The following SGK3 variants were observed in gnomAD, a reference collection of about 807,000 sequenced individuals.
SGK3 encodes the protein serine/threonine-protein kinase Sgk3.
SGK3 carries 47 observed loss-of-function variants against 68.5 expected under a neutral mutation model. The ratio of observed to expected loss-of-function variants is 0.69; its 90% confidence interval spans 0.54 to 0.87. The LOEUF (loss-of-function observed/expected upper bound fraction) is 0.87, where lower values mean the gene tolerates loss of function less well. SGK3 is among the 40% of genes least tolerant of loss of function. The probability of loss-of-function intolerance (pLI) is 0.00; values close to 1 mark genes in which losing one functional copy is unlikely to be tolerated. For synonymous variants in SGK3, 181 were observed against 189.1 expected (o/e 0.96, Z 0.35); for missense variants, 479 against 575.5 (o/e 0.83, Z 1.72).
intron 1 of SGK3, among the ~76,000 whole-genome samples, chr8:66,724,237 C>T (rs1390187593): frequency 1.3e-5 from 2 of 152,266 alleles, no homozygotes. Context: ...GCCTCAGCTT[C>T]CCAAAACACT....
intron 3 of SGK3, among the ~76,000 whole-genome samples, chr8:66,803,183 T>TG (rs1808017178): frequency 6.6e-6 from 1 of 152,324 alleles, no homozygotes; most frequent in Admixed American, 6.5e-5. Flanking sequence ...TGTGTGTGTA[T>TG]GAAAAACAAC....
chr8:66,757,022 T>C (rs1313775965), intron 1 of SGK3, among the ~76,000 whole-genome samples: 3 of 152,174 alleles, frequency 2.0e-5, no homozygotes, highest in Admixed American at 2.0e-4. Context: ...TGAGGTTCTT[T>C]GCCTAGAAGG....
At chr8:66,785,308 C>T (rs1807155311) in intron 1 of SGK3, among the ~76,000 whole-genome samples, 3 of 152,238 alleles carry the variant, frequency 2.0e-5, no homozygotes, top group African/African-American at 7.2e-5. Flanking sequence ...CCATGTGGAA[C>T]TACTCTTCGT....
intron 2 of SGK3, among the ~76,000 whole-genome samples, chr8:66,796,170 C>G (rs767876638): frequency 6.6e-6 from 1 of 151,756 alleles, no homozygotes; most frequent in Non-Finnish European, 1.5e-5. Context: ...CAGAATCTCG[C>G]TCTGTCGCCA....
chr8:66,765,988 G>A (rs1189375211), intron 1 of SGK3, among the ~76,000 whole-genome samples: 1 of 150,336 alleles, frequency 6.7e-6, no homozygotes, highest in Admixed American at 6.6e-5. Context: ...TGGTGTCACT[G>A]CACTCCATCC....
intron 8 of SGK3, among the ~76,000 whole-genome samples, chr8:66,833,843 C>T (rs372994354): frequency 3.5e-4 from 54 of 152,306 alleles, no homozygotes; most frequent in African/African-American, 1.2e-3. Flanking sequence ...AGGCGTGTGC[C>T]ACCACGCCCT....
chr8:66,744,519 A>ATAT (rs1563605717), intron 1 of SGK3, among the ~76,000 whole-genome samples: 17 of 21,268 alleles, frequency 8.0e-4, no homozygotes, highest in Non-Finnish European at 1.0e-3. Flanking sequence ...ATATATATAT[A>ATAT]TTTTTTTTTT....
intron 1 of SGK3, among the ~76,000 whole-genome samples, chr8:66,723,584 C>T (rs1339605323): frequency 1.3e-5 from 2 of 152,154 alleles, no homozygotes; most frequent in Non-Finnish European, 2.9e-5. Flanking sequence ...GCTGGGAATA[C>T]AGGCATGTAC....
intron 16 of SGK3, among the ~76,000 whole-genome samples, chr8:66,852,345 G>T (rs929733570): frequency 2.1e-5 from 3 of 143,934 alleles, no homozygotes; most frequent in African/African-American, 7.8e-5. Flanking sequence ...GCAGTGGCGC[G>T]ATCTTGGCTC....
chr8:66,794,041 C>A (rs1383249509), intron 2 of SGK3, among the ~76,000 whole-genome samples: 2 of 152,108 alleles, frequency 1.3e-5, no homozygotes, highest in Non-Finnish European at 2.9e-5. Flanking sequence ...TACTTATCTT[C>A]TTGGAGAATT....
intron 1 of SGK3, chr8:66,767,636 C>G: frequency 2.2e-6 from 3 of 1,376,698 alleles, no homozygotes; most frequent in East Asian, 2.3e-5. Flanking sequence ...CTCTCGAAGC[C>G]TAGAGGATTG....
At chr8:66,762,763 T>C (rs576804826) in intron 1 of SGK3, among the ~76,000 whole-genome samples, 115 of 152,318 alleles carry the variant, frequency 7.5e-4, no homozygotes, top group Non-Finnish European at 1.4e-3. Flanking sequence ...TTTTCCCTTA[T>C]AATTTATGTA....
chr8:66,858,089 T>G lies in SGK3; in HGVS notation c.1321-1322T>G, dbSNP rs372461892. Among the ~76,000 whole-genome samples, 30 of 152,232 alleles carry G rather than the reference T, an allele frequency of 2.0e-4. No homozygotes were observed. The South Asian group carries it at 3.9e-3, about 20-fold the overall frequency. ...TAACAAAAAATTATTATTTTACTTA[T>G]AACCGCTTCATTTATTCATCAGAAG... On this transcript the variant is annotated intron_variant, in intron 16 of 16. Coordinates refer to ENST00000521198, the MANE Select transcript of SGK3 (RefSeq NM_001033578.3).
rs116884461 is a variant in SGK3 at position 66,740,109 on chromosome 8, C to T, written c.-122+27276C>T. Among the ~76,000 whole-genome samples the T allele has an allele frequency of 2.0e-3, 299 of 152,268 alleles. 9 individuals carry two copies. In the East Asian group the frequency reaches 0.05, roughly 25 times the overall value. ...CAAACCTCATAGAAACAATAGCACA[C>T]ATTTTTGTACCAGAATTATCTCTTC... On this transcript the variant is annotated intron_variant, in intron 1 of 16. Coordinates refer to ENST00000521198, the MANE Select transcript of SGK3 (RefSeq NM_001033578.3).
At chr8:66,810,975 G>A (rs1041900659) in intron 4 of SGK3, among the ~76,000 whole-genome samples, 1 of 151,960 alleles carries the variant, frequency 6.6e-6, no homozygotes, top group Non-Finnish European at 1.5e-5. Flanking sequence ...TGAATTTAAC[G>A]ACTTTTTAAT....
At chr8:66,722,978 A>C (rs1407145091) in intron 1 of SGK3, among the ~76,000 whole-genome samples, 1 of 150,848 alleles carries the variant, frequency 6.6e-6, no homozygotes, top group African/African-American at 2.4e-5. Context: ...CTTTCACCAG[A>C]CTCCATCTCC....
intron 1 of SGK3, among the ~76,000 whole-genome samples, chr8:66,751,742 T>TTTATTTA (rs537397552): frequency 2.7e-5 from 4 of 147,786 alleles, no homozygotes; most frequent in Non-Finnish European, 5.9e-5. Flanking sequence ...AAATCATTCA[T>TTTATTTA]TTTATTTATT....
intron 10 of SGK3, among the ~76,000 whole-genome samples, chr8:66,839,513 A>G (rs1482116985): frequency 1.6e-4 from 5 of 30,312 alleles, no homozygotes; most frequent in Admixed American, 6.4e-4. Flanking sequence ...ATATATATAT[A>G]TATATATATA....
chr8:66,779,521 G>A (rs542572048), intron 1 of SGK3, among the ~76,000 whole-genome samples: 1 of 137,250 alleles, frequency 7.3e-6, no homozygotes, highest in Admixed American at 7.7e-5. Context: ...CTATTGTTAG[G>A]TAGGGGGGAG....
Sources: gnomAD v4.1 joint callset for allele counts (sites outside exome capture counted in the v4.1 genomes callset) on GRCh38, gnomAD v4.1.1 for gene constraint, MANE v1.5 for transcripts, NCBI Gene and HGNC (gene_info 2026-07-23, HGNC 2026-07-21) for gene names.